The following GPR176 variants were observed in gnomAD, a reference collection of about 807,000 sequenced individuals.
The protein encoded by GPR176 is G protein-coupled receptor 176, also known as G-protein coupled receptor 176.
Under a neutral mutation model 35.4 loss-of-function variants are expected in GPR176, and 26 were observed. The observed-to-expected ratio is 0.74, with a 90% CI of 0.54 to 1.02. GPR176 has a LOEUF of 1.02. Among genes scored for constraint, GPR176 ranks in the 50% least tolerant of loss-of-function variants. The pLI, the probability that GPR176 is intolerant of heterozygous loss-of-function variation, is 0.00. For missense variants in GPR176, 597 were observed against 665.3 expected, an observed-to-expected ratio of 0.90 and a Z score of 1.13; for synonymous variants, 278 against 271.3, an observed-to-expected ratio of 1.02 and a Z score of -0.24.
At chr15:39,918,087 C>T (rs2033775106) in intron 1 of GPR176, among the ~76,000 whole-genome samples, 1 of 150,434 alleles carries the variant, frequency 6.6e-6, no homozygotes, top group Non-Finnish European at 1.5e-5. Flanking sequence ...CATCAGGCAC[C>T]ATAGATCAAG....
At chr15:39,918,044 TAA>T (rs11410825) in intron 1 of GPR176, among the ~76,000 whole-genome samples, 7 of 111,456 alleles carry the variant, frequency 6.3e-5, no homozygotes, top group East Asian at 2.7e-4. Flanking sequence ...AAACTCTGTC[TAA>T]AAAAAAAAAA....
chr15:39,805,158 G>C (rs1185893105), intron 2 of GPR176, among the ~76,000 whole-genome samples: 7 of 152,130 alleles, frequency 4.6e-5, no homozygotes, highest in African/African-American at 9.7e-5. Context: ...GGTACTACCA[G>C]GGGCATTCAG....
At chr15:39,838,736 G>A (rs1191855626) in intron 1 of GPR176, among the ~76,000 whole-genome samples, 1 of 152,116 alleles carries the variant, frequency 6.6e-6, no homozygotes, top group Non-Finnish European at 1.5e-5. Context: ...AAACTGAATG[G>A]GCAAAAACTG....
intron 1 of GPR176, among the ~76,000 whole-genome samples, chr15:39,909,390 G>A (rs116160339): frequency 0.012 from 1,774 of 152,274 alleles, 44 homozygotes; most frequent in African/African-American, 0.04. Context: ...TGCGTCCCTG[G>A]CTCTGTGGCA....
Position 39,807,258 on chromosome 15 carries a change from C to T in GPR176, c.173G>A (p.Gly58Glu). 1.3e-6 allele frequency: 2 copies of T among 1,509,660 alleles called. No homozygotes were observed. The highest frequency in any genetic ancestry group is 1.8e-6 in the Non-Finnish European group (2 of 1,126,498). 93.5% of individuals were successfully genotyped at this position (1,509,660 alleles called of 1,614,324 possible). The change falls in exon 2 of 3, where the codon GGA becomes GAA. Residue 58 changes from glycine (G) to glutamate (E), a missense_variant and splice_region_variant. By Grantham distance (98) the Gly-to-Glu change is moderately conservative. Coordinates refer to ENST00000561100, the MANE Select transcript of GPR176 (RefSeq NM_007223.3). ...AGTTGACCATAACACCATGAAGTTT[C>T]CTGGTCAGATATGAAAGAAAATAAA... ...QVVIFIGSLL[G>E]NFMVLWSTCR...
intron 1 of GPR176, among the ~76,000 whole-genome samples, chr15:39,874,706 C>A (rs1250024152): frequency 6.6e-6 from 1 of 152,182 alleles, no homozygotes; most frequent in African/African-American, 2.4e-5. Flanking sequence ...GCTTTCCATA[C>A]ACCTTACATG....
At chr15:39,842,692 T>C (rs1169027306) in intron 1 of GPR176, among the ~76,000 whole-genome samples, 1 of 152,136 alleles carries the variant, frequency 6.6e-6, no homozygotes, top group Non-Finnish European at 1.5e-5. Context: ...ACACTGAATC[T>C]GCCTCTAAGA....
At chr15:39,828,710 C>A (rs1900852858) in intron 1 of GPR176, among the ~76,000 whole-genome samples, 1 of 152,164 alleles carries the variant, frequency 6.6e-6, no homozygotes, top group South Asian at 2.1e-4. Context: ...TTATAAAGCA[C>A]CAAGAGAATC....
chr15:39,847,966 C>T (rs1226219681), intron 1 of GPR176, among the ~76,000 whole-genome samples: 1 of 152,044 alleles, frequency 6.6e-6, no homozygotes, highest in South Asian at 2.1e-4. Flanking sequence ...GAGGCAGGCA[C>T]ATCTTTACAC....
chr15:39,852,955 C>T (rs919078165), intron 1 of GPR176, among the ~76,000 whole-genome samples: 5 of 152,114 alleles, frequency 3.3e-5, no homozygotes, highest in African/African-American at 1.2e-4. Flanking sequence ...AACTCTTGTA[C>T]ACTCTTGATA....
chr15:39,874,602 T>C lies in GPR176; in HGVS notation c.172+45253A>G, dbSNP rs188304515. Among the ~76,000 whole-genome samples the C allele has an allele frequency of 3.3e-5, 5 of 152,366 alleles. No homozygotes were observed. The East Asian group carries it at 9.6e-4, about 29-fold the overall frequency. ...TCAAGTGATTCTTCTCTTGCATACT[T>C]AGGGAAGTCATCATTGTTGCTTCAC... is the stretch of plus-strand genomic sequence containing the variant. On this transcript the variant is annotated intron_variant, in intron 1 of 2. Coordinates refer to ENST00000561100, the MANE Select transcript of GPR176 (RefSeq NM_007223.3).
chr15:39,885,498 T>G (rs1401251120), intron 1 of GPR176, among the ~76,000 whole-genome samples: 1 of 152,214 alleles, frequency 6.6e-6, no homozygotes, highest in Non-Finnish European at 1.5e-5. Flanking sequence ...ATTAATTAAG[T>G]GTAGCACAAT....
chr15:39,915,914 A>AGGAT (rs1271296491), intron 1 of GPR176, among the ~76,000 whole-genome samples: 1 of 152,190 alleles, frequency 6.6e-6, no homozygotes, highest in Non-Finnish European at 1.5e-5. Context: ...ATTGCAATGT[A>AGGAT]GGATACATAC....
At chr15:39,866,168 T>C (rs1172748292) in intron 1 of GPR176, among the ~76,000 whole-genome samples, 1 of 152,182 alleles carries the variant, frequency 6.6e-6, no homozygotes, top group Non-Finnish European at 1.5e-5. Flanking sequence ...ACTACATATT[T>C]GCTTATTTTT....
intron 1 of GPR176, among the ~76,000 whole-genome samples, chr15:39,876,442 C>G (rs1022686186): frequency 1.3e-5 from 2 of 152,028 alleles, no homozygotes; most frequent in African/African-American, 4.8e-5. Context: ...CCTTCTCTCT[C>G]ATCTTCTTGC....
chr15:39,800,901 T>A lies in GPR176; in HGVS notation c.*231A>T. On this transcript the variant is annotated 3_prime_UTR_variant, in exon 3 of 3. Transcript: ENST00000561100. ...GCTCTTGTCCCCACAGAGAATAATG[T>A]GGACTTCACTAAGGACATGGATCAC... is the stretch of plus-strand genomic sequence containing the variant. 2.1e-6 allele frequency: 1 copy of A among 468,548 alleles called. No homozygotes were observed. Among genetic ancestry groups the A allele is most frequent in the Non-Finnish European group, 3.8e-6 (1 of 259,772 alleles). 29.0% of individuals were successfully genotyped at this position (468,548 alleles called of 1,614,324 possible). A position where few individuals can be genotyped will look rare whatever the true frequency, so the allele number is the denominator to read the frequency against.
At chr15:39,856,607 T>C (rs1285653177) in intron 1 of GPR176, among the ~76,000 whole-genome samples, 1 of 152,218 alleles carries the variant, frequency 6.6e-6, no homozygotes, top group African/African-American at 2.4e-5. Flanking sequence ...TTCACAGGGC[T>C]GTCTGAACAC....
chr15:39,909,188 T>C lies in GPR176; in HGVS notation c.172+10667A>G, dbSNP rs561563936. On this transcript the variant is annotated intron_variant, in intron 1 of 2. Transcript: ENST00000561100. ...TCCCAAGGAAAGTGGACGTGATTAA[T>C]GTGGGGTAGGGGCTGGATGCAGAGC... 1.1e-4 allele frequency among the ~76,000 whole-genome samples: 17 copies of C among 152,286 alleles called. No homozygotes were observed. In the East Asian group the frequency reaches 2.3e-3, roughly 21 times the overall value.
intron 1 of GPR176, among the ~76,000 whole-genome samples, chr15:39,852,039 G>A (rs8030833): frequency 0.37 from 55,926 of 151,950 alleles, 11,100 homozygotes; most frequent in East Asian, 0.7. Context: ...ATAACCTACT[G>A]AAATATCCTG....
Sources: allele counts gnomAD v4.1 joint callset (sites outside exome capture counted in the v4.1 genomes callset), GRCh38; gene constraint gnomAD v4.1.1; transcripts MANE v1.5; gene names NCBI Gene and HGNC (gene_info 2026-07-23, HGNC 2026-07-21).